The following INTS7 variants were observed in gnomAD, a reference collection of about 807,000 sequenced individuals.
The protein encoded by INTS7 is integrator complex subunit 7, also known as chromosome 1 open reading frame 73.
A neutral mutation model predicts 109.2 loss-of-function variants in INTS7; 46 were observed. The ratio of observed to expected loss-of-function variants is 0.42; its 90% CI spans 0.33 to 0.54. The LOEUF (loss-of-function observed/expected upper bound fraction) is 0.54, where lower values mean the gene tolerates loss of function less well. INTS7 is among the 20% of genes least tolerant of loss of function. The probability of loss-of-function intolerance (pLI) is 0.07; values close to 1 mark genes in which losing one functional copy is unlikely to be tolerated. For synonymous variants in INTS7, 412 were observed against 402.9 expected (o/e 1.02, Z -0.27); for missense variants, 929 against 1,132.4 (o/e 0.82, Z 2.58).
intron 1 of INTS7, chr1:212,025,684 T>C (rs1006457096): frequency 2.2e-4 from 33 of 148,002 alleles, no homozygotes; most frequent in Non-Finnish European, 4.3e-4. Context: ...GTCACAGCTG[T>C]ACCAGGAAAA....
At position 211,946,801 on chromosome 1, in the gene INTS7, A is replaced by G; in HGVS notation, c.2317-96T>C. On this transcript the variant is annotated intron_variant, in intron 17 of 19. Transcript: ENST00000366994. This position sits in a 1 kb window ranked among gnomAD's most constrained non-coding sequence, Gnocchi z 4.3. ...TATAAAACTACAAATGCCCATATAG[A>G]TTATTACAAAGGTACATACCAATCA... The G allele has an allele frequency of 2.7e-6, 2 of 751,464 alleles. No individual in the cohort carries two copies. Among genetic ancestry groups the G allele is most frequent in the Non-Finnish European group, 2.2e-6 (1 of 457,344 alleles). The allele number at this position is 751,464 out of a possible 1,614,324, so 46.5% of individuals were successfully genotyped here. A position where few individuals can be genotyped will look rare whatever the true frequency, so the allele number is the denominator to read the frequency against.
At chr1:211,998,352 A>G (rs1388410419) in intron 7 of INTS7, among the ~76,000 whole-genome samples, 4 of 152,262 alleles carry the variant, frequency 2.6e-5, no homozygotes, top group Non-Finnish European at 5.9e-5. Flanking sequence ...ATGGTAATCA[A>G]GACAGTGTAT....
chr1:211,986,813 T>C (rs3010000), intron 8 of INTS7, among the ~76,000 whole-genome samples: 5,048 of 152,138 alleles, frequency 0.033, 92 homozygotes, highest in South Asian at 0.047. Flanking sequence ...GGAAGGGAGG[T>C]GTGACAACGG....
chr1:211,994,120 A>G (rs2102448021), intron 7 of INTS7, among the ~76,000 whole-genome samples: 1 of 152,312 alleles, frequency 6.6e-6, no homozygotes, highest in Non-Finnish European at 1.5e-5. Context: ...GAGAGAAGGA[A>G]AGACAAAAGG....
At chr1:212,022,727 T>C (rs1267866945) in intron 1 of INTS7, among the ~76,000 whole-genome samples, 2 of 152,248 alleles carry the variant, frequency 1.3e-5, no homozygotes, top group African/African-American at 2.4e-5. Context: ...GACAACCCTC[T>C]GGCTCTTTCC....
chr1:212,002,348 A>G (rs1665709984), intron 7 of INTS7, among the ~76,000 whole-genome samples: 2 of 152,218 alleles, frequency 1.3e-5, no homozygotes, highest in Non-Finnish European at 2.9e-5. Context: ...TAGTCTCAAT[A>G]TAGCTAAGCC....
chr1:211,996,533 CA>C (rs1484055756), intron 7 of INTS7, among the ~76,000 whole-genome samples: 4 of 151,992 alleles, frequency 2.6e-5, no homozygotes, highest in African/African-American at 7.3e-5. Context: ...CAAAAAGCAA[CA>C]ACAAAAATTC....
intron 13 of INTS7, among the ~76,000 whole-genome samples, chr1:211,971,277 T>G (rs987877724): frequency 1.3e-5 from 2 of 152,198 alleles, no homozygotes; most frequent in African/African-American, 4.8e-5. Flanking sequence ...AAACCATCCC[T>G]GGTTGAGAAC....
rs1471173932 is a variant in INTS7 at position 212,007,458 on chromosome 1, A to G, written c.557-9T>C. The G allele has an allele frequency of 6.3e-7, 1 of 1,599,498 alleles. No homozygotes were observed. The highest frequency in any genetic ancestry group is 2.2e-5 in the East Asian group (1 of 44,804). Reference sequence around the variant, plus strand: ...TACTGGTGTCGCTAAACCTAGACACAAAAATAATTCTCAAGGTATTTGTGA... The same window carrying G: ...TACTGGTGTCGCTAAACCTAGACACGAAAATAATTCTCAAGGTATTTGTGA... On this transcript the variant is annotated splice_polypyrimidine_tract_variant and intron_variant, in intron 5 of 19. Coordinates refer to ENST00000366994, the MANE Select transcript of INTS7 (RefSeq NM_015434.4).
At chr1:212,014,324 G>A (rs1250629519) in intron 4 of INTS7, among the ~76,000 whole-genome samples, 3 of 151,824 alleles carry the variant, frequency 2.0e-5, no homozygotes, top group Non-Finnish European at 2.9e-5. Context: ...AATTAGCTGG[G>A]CATGGTGGCA....
chr1:212,030,580 C>A (rs992435030), intron 1 of INTS7, among the ~76,000 whole-genome samples: 1 of 152,134 alleles, frequency 6.6e-6, no homozygotes, highest in Non-Finnish European at 1.5e-5. Context: ...TGAGTCACTG[C>A]GCCCGGCCTA....
At chr1:212,016,066 C>A (rs1385525011) in intron 4 of INTS7, among the ~76,000 whole-genome samples, 1 of 151,864 alleles carries the variant, frequency 6.6e-6, no homozygotes, top group Non-Finnish European at 1.5e-5. Flanking sequence ...TAAGTTGTTA[C>A]CGTATTCTAT....
intron 1 of INTS7, among the ~76,000 whole-genome samples, chr1:212,028,434 T>C (rs1667021088): frequency 6.6e-6 from 1 of 152,168 alleles, no homozygotes; most frequent in Non-Finnish European, 1.5e-5. Flanking sequence ...TGCAGGTCCA[T>C]GTTGAAGGTC....
At chr1:211,991,754 G>A (rs1002023805) in intron 7 of INTS7, among the ~76,000 whole-genome samples, 1 of 152,194 alleles carries the variant, frequency 6.6e-6, no homozygotes, top group South Asian at 2.1e-4. Context: ...CATTAAGAAA[G>A]GCCATAAGAA....
intron 4 of INTS7, among the ~76,000 whole-genome samples, chr1:212,012,911 A>G (rs12146085): frequency 0.028 from 4,203 of 151,428 alleles, 149 homozygotes; most frequent in East Asian, 0.13. Context: ...TTTAGAAACT[A>G]AATTTAGAAA....
At chr1:212,029,796 T>C (rs1255705050) in intron 1 of INTS7, among the ~76,000 whole-genome samples, 4 of 152,140 alleles carry the variant, frequency 2.6e-5, no homozygotes, top group Non-Finnish European at 5.9e-5. Flanking sequence ...TTAAAATCTA[T>C]ACATTAATAA....
intron 13 of INTS7, among the ~76,000 whole-genome samples, chr1:211,969,216 C>T (rs1316433735): frequency 2.7e-5 from 4 of 150,758 alleles, no homozygotes; most frequent in Non-Finnish European, 3.0e-5. Flanking sequence ...ACCCGGGAGG[C>T]GGAGTCTGCT....
At chr1:211,988,685 C>T (rs1179000556) in intron 7 of INTS7, among the ~76,000 whole-genome samples, 3 of 152,058 alleles carry the variant, frequency 2.0e-5, no homozygotes, top group East Asian at 3.8e-4. Context: ...TGTGTACTAT[C>T]GTCTCGATTT....
At chr1:211,961,092 A>C (rs529461909) in intron 16 of INTS7, among the ~76,000 whole-genome samples, 1 of 152,178 alleles carries the variant, frequency 6.6e-6, no homozygotes, top group South Asian at 2.1e-4. Flanking sequence ...TTATGTAAAG[A>C]AACCGAATCT....
Sources: gnomAD v4.1 joint callset for allele counts (sites outside exome capture counted in the v4.1 genomes callset) on GRCh38, gnomAD v4.1.1 for gene constraint, Gnocchi (gnomAD v3.1) non-coding constraint, MANE v1.5 for transcripts, NCBI Gene and HGNC (gene_info 2026-07-23, HGNC 2026-07-21) for gene names.